Variants in ENTREP2 observed in about 807,000 individuals in gnomAD.
The protein encoded by ENTREP2 is protein ENTREP2.
the ENTREP2 span, among the ~76,000 whole-genome samples, chr15:29,261,597 T>A: frequency 6.6e-6 from 1 of 152,330 alleles, no homozygotes; most frequent in East Asian, 1.9e-4. Context: ...GCTAACCACA[T>A]ATTAGGCCAA....
chr15:29,656,689 G>T, the ENTREP2 span, among the ~76,000 whole-genome samples: 4 of 152,140 alleles, frequency 2.6e-5, no homozygotes, highest in South Asian at 8.3e-4. Flanking sequence ...CTAAAAACCT[G>T]ACACCACCAA....
At chr15:29,348,924 C>A in the ENTREP2 span, among the ~76,000 whole-genome samples, 1 of 152,176 alleles carries the variant, frequency 6.6e-6, no homozygotes, top group African/African-American at 2.4e-5. Context: ...GATAAAATAA[C>A]TTAACATTGG....
At chr15:29,605,017 C>T in the ENTREP2 span, among the ~76,000 whole-genome samples, 14 of 152,210 alleles carry the variant, frequency 9.2e-5, no homozygotes, top group African/African-American at 3.4e-4. Flanking sequence ...CAAACACTCT[C>T]AGCTTAGAAA....
At chr15:29,597,476 G>A in the ENTREP2 span, among the ~76,000 whole-genome samples, 2 of 151,968 alleles carry the variant, frequency 1.3e-5, no homozygotes, top group African/African-American at 4.8e-5. Context: ...GCTGAGGCAG[G>A]AGAATCGCTT....
At chr15:29,674,128 T>TGGGGG in the ENTREP2 span, among the ~76,000 whole-genome samples, 17 of 46,132 alleles carry the variant, frequency 3.7e-4, 1 homozygote, top group South Asian at 1.2e-3. Context: ...CTGCAGAGGA[T>TGGGGG]GGGGGGGGGG....
chr15:29,159,139 G>A, the ENTREP2 span, among the ~76,000 whole-genome samples: 2 of 152,170 alleles, frequency 1.3e-5, no homozygotes, highest in Admixed American at 6.5e-5. Flanking sequence ...GCTCTTAAAG[G>A]TGGCGTGTCT....
the ENTREP2 span, among the ~76,000 whole-genome samples, chr15:29,623,369 T>C: frequency 3.3e-5 from 5 of 152,352 alleles, no homozygotes; most frequent in African/African-American, 1.2e-4. Flanking sequence ...AATTGTAATT[T>C]ACTCAGCTTC....
At chr15:29,514,705 G>A in the ENTREP2 span, among the ~76,000 whole-genome samples, 5 of 152,076 alleles carry the variant, frequency 3.3e-5, no homozygotes, top group South Asian at 2.1e-4. Context: ...ACCCACACCT[G>A]CATTTTCAGA....
At chr15:29,538,361 G>C in the ENTREP2 span, among the ~76,000 whole-genome samples, 1 of 152,198 alleles carries the variant, frequency 6.6e-6, no homozygotes, top group Non-Finnish European at 1.5e-5. Flanking sequence ...AGAAGAGCCA[G>C]AGAGCTGAAG....
the ENTREP2 span, among the ~76,000 whole-genome samples, chr15:29,435,527 T>C: frequency 6.6e-6 from 1 of 152,088 alleles, no homozygotes; most frequent in Non-Finnish European, 1.5e-5. Context: ...ATGATAAAAC[T>C]TACCCAAGCC....
chr15:29,644,860 A>G, the ENTREP2 span, among the ~76,000 whole-genome samples: 1 of 151,530 alleles, frequency 6.6e-6, no homozygotes, highest in African/African-American at 2.4e-5. Context: ...AAAGAAAAGT[A>G]AAGAAGAAAA....
At chr15:29,219,196 G>T in the ENTREP2 span, among the ~76,000 whole-genome samples, 2 of 151,768 alleles carry the variant, frequency 1.3e-5, no homozygotes, top group African/African-American at 4.8e-5. Flanking sequence ...AAATGGCCAA[G>T]AAACATATGA....
chr15:29,338,871 T>C, the ENTREP2 span, among the ~76,000 whole-genome samples: 1 of 149,198 alleles, frequency 6.7e-6, no homozygotes, highest in Admixed American at 6.8e-5. Context: ...CATCATACAA[T>C]GAATTATTGA....
the ENTREP2 span, among the ~76,000 whole-genome samples, chr15:29,442,950 A>G: frequency 6.6e-6 from 1 of 152,206 alleles, no homozygotes; most frequent in Non-Finnish European, 1.5e-5. Context: ...GCACAGCCTC[A>G]GTCCTCACTG....
At chr15:29,120,238 C>T in the ENTREP2 span, 3 of 152,252 alleles carry the variant, frequency 2.0e-5, no homozygotes, top group East Asian at 1.9e-4. Flanking sequence ...CCAGTTAGAC[C>T]TCAGAGACAC....
At chr15:29,267,653 A>G in the ENTREP2 span, 1 of 152,210 alleles carries the variant, frequency 6.6e-6, no homozygotes, top group Non-Finnish European at 1.5e-5. Context: ...CCCATACAAT[A>G]GAGTGAGACT....
chr15:29,314,515 A>G, the ENTREP2 span, among the ~76,000 whole-genome samples: 2 of 152,226 alleles, frequency 1.3e-5, no homozygotes, highest in African/African-American at 4.8e-5. Context: ...TTTGAGCAAT[A>G]AAGTATTTTT....
the ENTREP2 span, among the ~76,000 whole-genome samples, chr15:29,508,230 C>A: frequency 1.3e-5 from 2 of 152,132 alleles, no homozygotes; most frequent in African/African-American, 4.8e-5. Flanking sequence ...AGACCAATAA[C>A]AAGTTCTGAA....
At chr15:29,381,097 G>A in the ENTREP2 span, among the ~76,000 whole-genome samples, 5 of 144,290 alleles carry the variant, frequency 3.5e-5, no homozygotes, top group Admixed American at 6.9e-5. Context: ...TTATCTGCCC[G>A]CCTCGGCACC....
Sources: allele counts gnomAD v4.1 joint callset (sites outside exome capture counted in the v4.1 genomes callset), GRCh38; gene constraint gnomAD v4.1.1; transcripts MANE v1.5; gene names NCBI Gene and HGNC (gene_info 2026-07-23, HGNC 2026-07-21).